TGM5: variants seen among roughly 807,000 people sequenced by gnomAD.
TGM5 encodes protein-glutamine gamma-glutamyltransferase 5.
In TGM5, 69 loss-of-function variants were observed where a neutral mutation model predicts 77.2. The ratio of observed to expected loss-of-function variants is 0.89; its 90% CI spans 0.74 to 1.09. The LOEUF is 1.09. Ranked by LOEUF, TGM5 falls within the 50% of genes least tolerant of loss-of-function variation. The pLI is 0.00. For missense variants in TGM5, 842 were observed against 896.5 expected (o/e 0.94, Z 0.78); for synonymous variants, 346 against 351.8 (o/e 0.98, Z 0.18).
At chr15:43,243,715 C>G (rs983117780) in intron 6 of TGM5, among the ~76,000 whole-genome samples, 1 of 152,154 alleles carries the variant, frequency 6.6e-6, no homozygotes, top group African/African-American at 2.4e-5. Flanking sequence ...GCCCAGGACT[C>G]TTGAATTTGA....
intron 1 of TGM5, among the ~76,000 whole-genome samples, chr15:43,262,706 C>T (rs1314778883): frequency 6.6e-6 from 1 of 152,144 alleles, no homozygotes; most frequent in Non-Finnish European, 1.5e-5. Context: ...ATTGCTTGAA[C>T]CTGGGAGGTG....
rs1431614945 is a variant in TGM5, at chr15:43,233,107, G to C, written c.*84C>G. ...TGGAGCCCTGTGAAGCCTCTGTTGT[G>C]GTGGGGAATGGCGCAGCTTGCATTT... is the stretch of plus-strand genomic sequence containing the variant. On this transcript the variant is annotated 3_prime_UTR_variant, in exon 13 of 13. Coordinates refer to ENST00000220420, the MANE Select transcript of TGM5 (RefSeq NM_201631.4). The C allele has an allele frequency of 5.2e-6, 8 of 1,545,160 alleles. No individual in the cohort carries two copies. The highest frequency in any genetic ancestry group is 4.1e-5 in the African/African-American group (3 of 73,522).
In TGM5 at chr15:43,238,938, G is replaced by A. The variant is rs2042611673; in HGVS notation, c.1224C>T (p.Val408=). The change falls in exon 9 of 13, where the codon GTC becomes GTT. Residue 408 remains valine (V), a synonymous_variant. Transcript: ENST00000220420. ...GAAGCTTCTGCTCCTTCCCTCCCTG[G>A]ACGAGCCAGGACATGCAGTCAGCAT... ...MVNADCMSWL[V]QGGKEQKLHQ... is the part of the protein sequence containing the mutation. The A allele has an allele frequency of 6.2e-7, 1 of 1,614,050 alleles. No homozygotes were observed. The highest frequency in any genetic ancestry group is 1.3e-5 in the African/African-American group (1 of 74,902).
chr15:43,235,495 G>A lies in TGM5; in HGVS notation c.1688C>T (p.Ala563Val), dbSNP rs1371430920. 8.1e-6 allele frequency: 13 copies of A among 1,614,010 alleles called. No individual in the cohort carries two copies. The highest frequency in any genetic ancestry group is 3.3e-5 in the Admixed American group (2 of 59,998). Reference sequence around the variant, plus strand: ...TTCTTTAGGAGAGAGTGTGATGAACGCTGTGTCCTGCCAGAATGGGGACAG... The same window carrying A: ...TTCTTTAGGAGAGAGTGTGATGAACACTGTGTCCTGCCAGAATGGGGACAG... The part of the protein sequence containing the change: ...SPLSPFWQDT[A>V]FITLSPKEAK... Residue 563 changes from alanine to valine, a missense_variant, in exon 10 of 13, where the codon GCG becomes GTG. Transcript: ENST00000220420.
At chr15:43,262,326 T>C (rs1401702255) in intron 1 of TGM5, among the ~76,000 whole-genome samples, 3 of 152,244 alleles carry the variant, frequency 2.0e-5, no homozygotes, top group Non-Finnish European at 4.4e-5. Flanking sequence ...TCAGATGTTT[T>C]TCTTAGCTAC....
chr15:43,260,760 G>C, intron 1 of TGM5, 181 bp from the exon 2 acceptor site: 1 of 726,652 alleles, frequency 1.4e-6, no homozygotes, highest in African/African-American at 1.7e-5. Flanking sequence ...GATTTAATGA[G>C]GTTCCATGCA....
chr15:43,246,883 C>A (rs1186188711), intron 6 of TGM5, among the ~76,000 whole-genome samples: 1 of 152,104 alleles, frequency 6.6e-6, no homozygotes, highest in Non-Finnish European at 1.5e-5. Context: ...AGTAGTGGGG[C>A]TAAATTAAGC....
intron 7 of TGM5, chr15:43,239,511 G>T: frequency 3.8e-6 from 2 of 525,520 alleles, no homozygotes; most frequent in South Asian, 2.2e-5. Flanking sequence ...GGAAGATCTC[G>T]TCTCAAAAAA....
At chr15:43,260,827 C>G in intron 1 of TGM5, 1 of 572,910 alleles carries the variant, frequency 1.7e-6, no homozygotes. Context: ...ATCTTCTTCT[C>G]CCTTACACCC....
intron 1 of TGM5, among the ~76,000 whole-genome samples, chr15:43,261,434 C>G (rs1158032752): frequency 6.6e-6 from 1 of 152,162 alleles, no homozygotes; most frequent in Non-Finnish European, 1.5e-5. Context: ...CTGACCACCA[C>G]AGGCCACGTG....
At chr15:43,251,292 C>T (rs2042701421) in intron 6 of TGM5, among the ~76,000 whole-genome samples, 1 of 152,074 alleles carries the variant, frequency 6.6e-6, no homozygotes, top group South Asian at 2.1e-4. Context: ...GCTTACTGAT[C>T]ATTCTCATCA....
At chr15:43,256,472 G>A (rs1295705416) in intron 4 of TGM5, 96 bp downstream of exon 4, 16 of 970,362 alleles carry the variant, frequency 1.6e-5, no homozygotes, top group South Asian at 1.1e-4. Flanking sequence ...TTTAGTTAGC[G>A]TTGGTCAGCA....
At chr15:43,253,462 C>T (rs770949998) in intron 5 of TGM5, 44 bp downstream of exon 5, 27 of 1,604,648 alleles carry the variant, frequency 1.7e-5, no homozygotes, top group Non-Finnish European at 2.1e-5. Context: ...GCAGGGCTCC[C>T]GCTGCACAGC....
rs367664896 is a variant in TGM5, at chr15:43,239,064, A to G, written c.1106-8T>C. On this transcript the variant is annotated splice_region_variant and splice_polypyrimidine_tract_variant and intron_variant, in intron 8 of 12. Coordinates refer to ENST00000220420, the MANE Select transcript of TGM5 (RefSeq NM_201631.4). ...GGCCACAGCAGTAGACGCCTGAAGG[A>G]GAACAGGGGAGCCTCGGTGGGCTGT... 739 of 1,613,804 alleles carry G rather than the reference A, an allele frequency of 4.6e-4. 1 individual carries two copies. Among genetic ancestry groups the G allele is most frequent in the Non-Finnish European group, 5.8e-4 (686 of 1,179,972 alleles).
intron 1 of TGM5, among the ~76,000 whole-genome samples, chr15:43,263,970 A>G (rs2042808237): frequency 6.6e-6 from 1 of 152,240 alleles, no homozygotes; most frequent in African/African-American, 2.4e-5. Context: ...ACTCTACAAT[A>G]AAAGAGACAA....
chr15:43,243,821 A>ACAT (rs1376291649), intron 6 of TGM5, among the ~76,000 whole-genome samples: 5 of 152,258 alleles, frequency 3.3e-5, no homozygotes, highest in South Asian at 2.1e-4. Flanking sequence ...CTAGTCAAGG[A>ACAT]CATCATCATC....
intron 3 of TGM5, 96 bp from the exon 4 acceptor site, chr15:43,256,782 G>A: frequency 1.0e-6 from 1 of 954,272 alleles, no homozygotes; most frequent in South Asian, 1.3e-5. Context: ...CGGTTCTGGA[G>A]CAAGGGCCCC....
At chr15:43,256,532 G>A in intron 4 of TGM5, 36 bp downstream of exon 4, 1 of 1,534,826 alleles carries the variant, frequency 6.5e-7, no homozygotes, top group Non-Finnish European at 9.0e-7. Context: ...CACAAGCTCG[G>A]GGCCGGGATG....
chr15:43,252,408 C>T (rs184468164), intron 6 of TGM5, among the ~76,000 whole-genome samples: 1 of 152,130 alleles, frequency 6.6e-6, no homozygotes, highest in Non-Finnish European at 1.5e-5. Context: ...CCTCTGCCCC[C>T]CCGGGTTCAA....
Sources: gnomAD v4.1 joint callset for allele counts (sites outside exome capture counted in the v4.1 genomes callset) on GRCh38, gnomAD v4.1.1 for gene constraint, MANE v1.5 for transcripts, NCBI Gene and HGNC (gene_info 2026-07-23, HGNC 2026-07-21) for gene names.